Variants in COBLL1 observed in about 807,000 individuals in gnomAD.
The protein encoded by COBLL1 is cordon-bleu protein-like 1.
In COBLL1, 50 loss-of-function variants were observed where a neutral mutation model predicts 94.8. The ratio of observed to expected loss-of-function variants is 0.53; its 90% CI spans 0.42 to 0.67. COBLL1 has a LOEUF of 0.67. Ranked by LOEUF, COBLL1 falls within the 30% of genes least tolerant of loss-of-function variation. COBLL1 has a pLI of 0.00. For synonymous variants in COBLL1, 448 were observed against 473.8 expected, an observed-to-expected ratio of 0.95 and a Z score of 0.71; for missense variants, 1,362 against 1,348.7, an observed-to-expected ratio of 1.01 and a Z score of -0.15.
chr2:164,815,848 A>AAC lies in COBLL1; in HGVS notation c.41+25306_41+25307dup, dbSNP rs774642022. Among the ~76,000 whole-genome samples the AAC allele has an allele frequency of 7.2e-4, 110 of 152,102 alleles. 1 individual carries two copies. The highest frequency in any genetic ancestry group is 9.0e-4 in the Non-Finnish European group (61 of 68,024). The stretch of plus-strand genomic sequence containing the variant: ...AAGAGAAAGGGAAGGGGTTAGAAAA[A>AAC]ACACACAACTATTTGAAAGACTCAA... On this transcript the variant is annotated intron_variant, in intron 2 of 13. Coordinates refer to ENST00000652658, the MANE Select transcript of COBLL1 (RefSeq NM_001365672.2).
At chr2:164,756,056 TGAGAGA>T (rs145182355) in intron 2 of COBLL1, among the ~76,000 whole-genome samples, 3 of 144,282 alleles carry the variant, frequency 2.1e-5, no homozygotes. Flanking sequence ...TATGGCAGCA[TGAGAGA>T]GAGAGAGAGA....
chr2:164,716,250 A>G (rs569267116), intron 7 of COBLL1, among the ~76,000 whole-genome samples: 1 of 152,288 alleles, frequency 6.6e-6, no homozygotes, highest in Non-Finnish European at 1.5e-5. Flanking sequence ...ACAAATGACA[A>G]TCTTATCGTA....
intron 2 of COBLL1, among the ~76,000 whole-genome samples, chr2:164,799,235 A>G (rs961470143): frequency 6.6e-6 from 1 of 152,188 alleles, no homozygotes; most frequent in Non-Finnish European, 1.5e-5. Context: ...TAGAAGGAAT[A>G]CAAGGAGATG....
At chr2:164,841,933 G>T (rs1028392672), upstream of COBLL1, 26 of 1,521,888 alleles carry the variant, frequency 1.7e-5, no homozygotes, top group Admixed American at 4.1e-4. This position sits in a 1 kb window ranked among gnomAD's most constrained non-coding sequence, Gnocchi z 5.5. Context: ...TGGGGGCCTC[G>T]CTGGAGCCCG....
intron 2 of COBLL1, among the ~76,000 whole-genome samples, chr2:164,815,883 C>G (rs1341746878): frequency 1.3e-5 from 2 of 152,112 alleles, no homozygotes; most frequent in Non-Finnish European, 2.9e-5. Context: ...AATTCCTCCA[C>G]TGTACCCTTC....
Position 164,671,341 on chromosome 2 carries a change from G to A in COBLL1, n.127-5440C>T, listed in dbSNP as rs1417468428. Among the ~76,000 whole-genome samples, 6 of 152,076 alleles carry A rather than the reference G, an allele frequency of 3.9e-5. No individual in the cohort carries two copies. In the East Asian group the frequency reaches 1.2e-3, roughly 29 times the overall value. On this transcript the variant is annotated intron_variant and non_coding_transcript_variant, in intron 1 of 2. Transcript: ENST00000495084. ...TTTTTAATGTAAGAACCTATTCTTT[G>A]ATGACATGTTTCTGCTCAGGATAGT...
At chr2:164,763,660 C>A (rs547065536) in intron 2 of COBLL1, among the ~76,000 whole-genome samples, 52 of 152,220 alleles carry the variant, frequency 3.4e-4, no homozygotes, top group African/African-American at 1.2e-3. Context: ...TGAAAAAGAT[C>A]GCACACATTC....
chr2:164,694,587 A>G lies in COBLL1; in HGVS notation c.2805T>C (p.Asp935=), dbSNP rs529788339. 6.2e-6 allele frequency: 10 copies of G among 1,613,934 alleles called. No individual in the cohort carries two copies. The East Asian group carries it at 6.7e-5, about 11-fold the overall frequency. ...CAGGAGCCTGACCGATGACATCATC[A>G]TCAGTTTTTTCAACAAGGGGTTGTG... The part of the protein sequence containing the change: ...SVPQPLVEKT[D]DDVIGQAPAE... Residue 935 remains aspartate (D), a synonymous_variant, in exon 12 of 14, where the codon GAT becomes GAC. Coordinates refer to ENST00000652658, the MANE Select transcript of COBLL1 (RefSeq NM_001365672.2).
intron 2 of COBLL1, among the ~76,000 whole-genome samples, chr2:164,818,601 A>ATATATGTACATATGTACACATATATGGCG (rs1559046633): frequency 1.4e-5 from 2 of 140,240 alleles, no homozygotes; most frequent in African/African-American, 5.4e-5. Flanking sequence ...CATATATAGC[A>ATATATGTACATATGTACACATATATGGCG]TATGTGTACA....
chr2:164,756,090 GGAGA>G (rs138711663), intron 2 of COBLL1, among the ~76,000 whole-genome samples: 4 of 149,204 alleles, frequency 2.7e-5, no homozygotes, highest in East Asian at 2.0e-4. Context: ...AGGGAGGGAG[GGAGA>G]GAGAGAGAGA....
In COBLL1 at chr2:164,685,295, G is replaced by T. The variant is rs1683223475; in HGVS notation, c.*651C>A. On this transcript the variant is annotated 3_prime_UTR_variant, in exon 14 of 14. Transcript: ENST00000652658. ...ATTCTTGTAGAATTTAAGTTCTAAA[G>T]ATTAAAAAAACAAGAGTTCCATGTT... 6.6e-6 allele frequency: 1 copy of T among 151,802 alleles called. No individual in the cohort carries two copies. Among genetic ancestry groups the T allele is most frequent in the Non-Finnish European group, 1.5e-5 (1 of 67,912 alleles). The allele number at this position is 151,802 out of a possible 1,614,324, so 9.4% of individuals were successfully genotyped here. A position where few individuals can be genotyped will look rare whatever the true frequency, so the allele number is the denominator to read the frequency against.
chr2:164,743,584 T>A (rs1686704878), intron 3 of COBLL1, 103 bp downstream of exon 3: 3 of 928,302 alleles, frequency 3.2e-6, no homozygotes, highest in Non-Finnish European at 1.7e-6. Flanking sequence ...GAGTGATAAA[T>A]GAAGTGTTTT....
chr2:164,703,172 T>C (rs959392199), intron 9 of COBLL1: 8 of 1,613,928 alleles, frequency 5.0e-6, no homozygotes, highest in Non-Finnish European at 5.9e-6. Flanking sequence ...CTCCATCAGT[T>C]TGGGCGCAGT....
chr2:164,744,322 C>T (rs1686750070), intron 2 of COBLL1, among the ~76,000 whole-genome samples: 1 of 152,098 alleles, frequency 6.6e-6, no homozygotes, highest in Non-Finnish European at 1.5e-5. Flanking sequence ...TATGTTCCAC[C>T]TCTCGATTCA....
intron 2 of COBLL1, among the ~76,000 whole-genome samples, chr2:164,661,743 C>A (rs1429080301): frequency 6.6e-6 from 1 of 152,060 alleles, no homozygotes; most frequent in African/African-American, 2.4e-5. Context: ...GATCCATAAA[C>A]TGTTTGGAAT....
At chr2:164,803,941 C>T (rs1057107353) in intron 2 of COBLL1, among the ~76,000 whole-genome samples, 2 of 151,910 alleles carry the variant, frequency 1.3e-5, no homozygotes, top group Admixed American at 6.6e-5. Context: ...GCTCAACATA[C>T]TCGAATAATG....
chr2:164,703,063 C>A lies in COBLL1; in HGVS notation c.1225+1381G>T, dbSNP rs374864723. The A allele has an allele frequency of 5.0e-5, 59 of 1,175,210 alleles. No individual in the cohort carries two copies. In the African/African-American group the frequency reaches 7.4e-4, roughly 15 times the overall value. 72.8% of individuals were successfully genotyped at this position (1,175,210 alleles called of 1,614,324 possible). On this transcript the variant is annotated intron_variant, in intron 9 of 13. Coordinates refer to ENST00000652658, the MANE Select transcript of COBLL1 (RefSeq NM_001365672.2). ...TTACAGTCGATGATATCTTAACCTG[C>A]CTGACACAAAGCACCAGCCAGGAAA...
At chr2:164,795,059 T>G (rs1683373527) in intron 2 of COBLL1, among the ~76,000 whole-genome samples, 1 of 152,198 alleles carries the variant, frequency 6.6e-6, no homozygotes, top group South Asian at 2.1e-4. Flanking sequence ...GAGGACTCTT[T>G]TCATCTTCGT....
intron 5 of COBLL1, chr2:164,723,462 A>G (rs1362480777): frequency 1.3e-5 from 2 of 152,172 alleles, no homozygotes; most frequent in Non-Finnish European, 2.9e-5. Flanking sequence ...CTCTGTTGGT[A>G]TCAAAGAATC....
Sources: allele counts gnomAD v4.1 joint callset (sites outside exome capture counted in the v4.1 genomes callset), GRCh38; gene constraint gnomAD v4.1.1; non-coding constraint Gnocchi (gnomAD v3.1); transcripts MANE v1.5; gene names NCBI Gene and HGNC (gene_info 2026-07-23, HGNC 2026-07-21).